The following MAMLD1 variants were observed in gnomAD, a reference collection of about 807,000 sequenced individuals.
MAMLD1 encodes mastermind-like domain-containing protein 1.
Under a neutral mutation model 45.0 loss-of-function variants are expected in MAMLD1, and 14 were observed. The observed-to-expected ratio is 0.31, with a 90% CI of 0.21 to 0.49. MAMLD1 has a LOEUF of 0.49. Among genes scored for constraint, MAMLD1 ranks in the 20% least tolerant of loss-of-function variants. The pLI is 0.99. For missense variants in MAMLD1, 543 were observed against 603.6 expected, an observed-to-expected ratio of 0.90 and a Z score of 1.05; for synonymous variants, 254 against 247.8, an observed-to-expected ratio of 1.02 and a Z score of -0.24.
chrX:150,428,634 T>C (rs889015544), intron 1 of MAMLD1, among the ~76,000 whole-genome samples: 9 of 112,279 alleles, frequency 8.0e-5, no homozygotes, highest in Non-Finnish European at 7.5e-5. Flanking sequence ...AAGGGCTATT[T>C]CATAGGCTTG....
chrX:150,440,491 TTTTCA>T (rs1440601792), intron 1 of MAMLD1, among the ~76,000 whole-genome samples: 1 of 110,948 alleles, frequency 9.0e-6, no homozygotes, highest in Admixed American at 9.6e-5. Context: ...GGGCTTAAAG[TTTTCA>T]TTTCAGATTT....
Position 150,513,683 on chromosome X carries a change from C to T in MAMLD1, c.*1724C>T. On this transcript the variant is annotated 3_prime_UTR_variant, in exon 8 of 8. Coordinates refer to ENST00000370401, the MANE Select transcript of MAMLD1 (RefSeq NM_005491.5). ...TTTATCGTTAAGTGCCCCACAGAGACACTTTACCAGGAGGCTGGGAGAGTT... is the reference window on the plus strand; with the variant it reads ...TTTATCGTTAAGTGCCCCACAGAGATACTTTACCAGGAGGCTGGGAGAGTT... 1 of 297,835 alleles carries T rather than the reference C, an allele frequency of 3.4e-6. No individual in the cohort carries two copies. Among genetic ancestry groups the T allele is most frequent in the African/African-American group, 2.7e-5 (1 of 37,051 alleles). 24.5% of individuals were successfully genotyped at this position (297,835 alleles called of 1,213,427 possible). A position where few individuals can be genotyped will look rare whatever the true frequency, so the allele number is the denominator to read the frequency against.
intron 6 of MAMLD1, chrX:150,504,879 C>T: frequency 1.3e-6 from 1 of 753,927 alleles, no homozygotes; most frequent in Non-Finnish European, 1.6e-6. Flanking sequence ...CCTGTCAACA[C>T]AGCCACTTTG....
chrX:150,362,300 G>A (rs1243042998), upstream of MAMLD1, among the ~76,000 whole-genome samples: 3 of 111,202 alleles, frequency 2.7e-5, no homozygotes, highest in African/African-American at 9.8e-5. Flanking sequence ...AAATGGGAAG[G>A]GGGATGGGGG....
At chrX:150,425,455 T>C (rs192072439) in intron 1 of MAMLD1, among the ~76,000 whole-genome samples, 15 of 112,809 alleles carry the variant, frequency 1.3e-4, no homozygotes, top group Admixed American at 6.6e-4. Context: ...GCTATAATTA[T>C]ATGCCTCACA....
intron 5 of MAMLD1, among the ~76,000 whole-genome samples, chrX:150,479,002 A>G (rs2036669248): frequency 8.9e-6 from 1 of 111,881 alleles, no homozygotes; most frequent in Non-Finnish European, 1.9e-5. Context: ...ATGAAACCAC[A>G]TGGGCTGTTG....
chrX:150,454,060 C>G (rs1221784553), intron 2 of MAMLD1, among the ~76,000 whole-genome samples: 1 of 112,223 alleles, frequency 8.9e-6, no homozygotes, highest in Non-Finnish European at 1.9e-5. Flanking sequence ...CTAGGCAGCC[C>G]TGCCTGCCCT....
intron 5 of MAMLD1, among the ~76,000 whole-genome samples, chrX:150,479,665 A>G (rs2036692028): frequency 8.9e-6 from 1 of 112,159 alleles, no homozygotes; most frequent in Admixed American, 9.4e-5. Context: ...GACAGAAATA[A>G]ATCATTGTGT....
At chrX:150,497,274 C>CT (rs1358464647) in intron 5 of MAMLD1, among the ~76,000 whole-genome samples, 18 of 95,894 alleles carry the variant, frequency 1.9e-4, no homozygotes, top group Non-Finnish European at 3.1e-4. Flanking sequence ...AAATTTTTTT[C>CT]TTTTTTTTCT....
At position 150,512,569 on chromosome X, in the gene MAMLD1, A is replaced by G; in HGVS notation, c.*610A>G. The G allele has an allele frequency of 3.5e-6, 4 of 1,155,610 alleles. No homozygotes were observed. The highest frequency in any genetic ancestry group is 4.6e-6 in the Non-Finnish European group (4 of 872,602). ...AGGCACAAGTGCCCGCTGCGATGGG[A>G]ACACAAGTGCCCCTGGCCAACAACC... On this transcript the variant is annotated 3_prime_UTR_variant, in exon 8 of 8. Transcript: ENST00000370401.
intron 5 of MAMLD1, among the ~76,000 whole-genome samples, chrX:150,492,389 G>A (rs923540897): frequency 1.8e-5 from 2 of 112,680 alleles, no homozygotes; most frequent in African/African-American, 3.2e-5. Flanking sequence ...GGCCAGCAAC[G>A]TATGGGACAC....
Position 150,514,165 on chromosome X carries a change from A to G in MAMLD1, c.*2206A>G, listed in dbSNP as rs1603055304. The G allele has an allele frequency of 5.4e-6, 1 of 184,885 alleles. No individual in the cohort carries two copies. The highest frequency in any genetic ancestry group is 1.0e-5 in the Non-Finnish European group (1 of 99,915). 15.2% of individuals were successfully genotyped at this position (184,885 alleles called of 1,213,427 possible). On this transcript the variant is annotated 3_prime_UTR_variant, in exon 8 of 8. Coordinates refer to ENST00000370401, the MANE Select transcript of MAMLD1 (RefSeq NM_005491.5). Reference sequence around the variant, plus strand: ...TTTCTTCGTTCTGTAATAAACAGCCAGGAGAAAAGTGCCTCTATGTTTTTA... The same window carrying G: ...TTTCTTCGTTCTGTAATAAACAGCCGGGAGAAAAGTGCCTCTATGTTTTTA...
intron 5 of MAMLD1, among the ~76,000 whole-genome samples, chrX:150,481,100 C>G (rs2036738961): frequency 8.9e-6 from 1 of 112,958 alleles, no homozygotes; most frequent in African/African-American, 3.2e-5. Context: ...GTGGACTACT[C>G]ATTTGCAATT....
rs1174001946 is a variant in MAMLD1, at chrX:150,366,346, A to G, written c.-64+2816A>G. Among the ~76,000 whole-genome samples the G allele has an allele frequency of 5.4e-5, 6 of 112,120 alleles. No homozygotes were observed. In the Admixed American group the frequency reaches 5.6e-4, roughly 11 times the overall value. On this transcript the variant is annotated intron_variant, in intron 1 of 7. Coordinates refer to ENST00000370401, the MANE Select transcript of MAMLD1 (RefSeq NM_005491.5). ...TGAAGCGTTAACACCCTCAACGCGC[A>G]TACACACATCCCAAATGCGCGCATA...
chrX:150,442,970 T>A (rs1271290353), intron 1 of MAMLD1, among the ~76,000 whole-genome samples: 7 of 111,860 alleles, frequency 6.3e-5, no homozygotes, highest in Non-Finnish European at 1.3e-4. Flanking sequence ...TTGAAAAATA[T>A]TATGCTACTT....
Position 150,428,160 on chromosome X carries a change from C to T in MAMLD1, c.-63-17294C>T, listed in dbSNP as rs985926526. Among the ~76,000 whole-genome samples, 7 of 111,051 alleles carry T rather than the reference C, an allele frequency of 6.3e-5. 1 individual carries two copies. The highest frequency in any genetic ancestry group is 1.9e-4 in the Admixed American group (2 of 10,428). ...TTCTGGGTATGGGTGGCTAAGGGCT[C>T]CCAGGTGTGTACTTAGAGCCTGATG... On this transcript the variant is annotated intron_variant, in intron 1 of 7. Coordinates refer to ENST00000370401, the MANE Select transcript of MAMLD1 (RefSeq NM_005491.5).
intron 1 of MAMLD1, among the ~76,000 whole-genome samples, chrX:150,364,404 T>C (rs2031223613): frequency 8.8e-6 from 1 of 113,246 alleles, no homozygotes; most frequent in East Asian, 2.8e-4. Flanking sequence ...AGGATTAGCC[T>C]GCCAGAAAGC....
In MAMLD1 at chrX:150,473,688, C is replaced by T; in HGVS notation, c.1926C>T (p.Cys642=). 8.3e-7 allele frequency: 1 copy of T among 1,211,050 alleles called. No individual in the cohort carries two copies. Among genetic ancestry groups the T allele is most frequent in the Non-Finnish European group, 1.1e-6 (1 of 894,917 alleles). The change falls in exon 5 of 8, where the codon TGC becomes TGT. Residue 642 remains cysteine, a synonymous_variant. Transcript: ENST00000370401. ...GTTTGATTTTATTATAGGGCTGTTG[C>T]CATCTGTTTGCATGGACTTCTGCAG... ...SMPALPRQGC[C]HLFAWTSAAS...
chrX:150,414,474 G>A (rs1316742473), intron 1 of MAMLD1, among the ~76,000 whole-genome samples: 1 of 111,417 alleles, frequency 9.0e-6, no homozygotes, highest in Non-Finnish European at 1.9e-5. Context: ...CTCCCTTACA[G>A]AGAGGGACCT....
Sources: allele counts gnomAD v4.1 joint callset (sites outside exome capture counted in the v4.1 genomes callset), GRCh38; gene constraint gnomAD v4.1.1; transcripts MANE v1.5; gene names NCBI Gene and HGNC (gene_info 2026-07-23, HGNC 2026-07-21).